The following BRCA1 variants were observed in gnomAD, a reference collection of about 807,000 sequenced individuals.
The protein encoded by BRCA1 is BRCA1 DNA repair associated.
A neutral mutation model predicts 173.7 loss-of-function variants in BRCA1; 140 were observed. The observed-to-expected ratio is 0.81, with a 90% confidence interval of 0.70 to 0.93. The LOEUF is 0.93. Ranked by LOEUF, BRCA1 falls within the 40% of genes least tolerant of loss-of-function variation. BRCA1 has a pLI of 0.00. For synonymous variants in BRCA1, 662 were observed against 756.0 expected, an observed-to-expected ratio of 0.88 and a Z score of 2.04; for missense variants, 1,983 against 2,172.5, an observed-to-expected ratio of 0.91 and a Z score of 1.73.
At chr17:43,049,886 C>T (rs2051134408) in intron 20 of BRCA1, among the ~76,000 whole-genome samples, 1 of 152,180 alleles carries the variant, frequency 6.6e-6, no homozygotes, top group South Asian at 2.1e-4. Flanking sequence ...TGCTGAGGTG[C>T]TCCTGTCTGT....
At chr17:43,143,032 GTGTATATATA>G (rs1217779713) in intron 1 of BRCA1, among the ~76,000 whole-genome samples, 12 of 149,488 alleles carry the variant, frequency 8.0e-5, no homozygotes, top group South Asian at 6.3e-4. Flanking sequence ...GTATATATGT[GTGTATATATA>G]TGTATATATG....
intron 14 of BRCA1, among the ~76,000 whole-genome samples, chr17:43,072,411 T>A (rs981571983): frequency 6.7e-6 from 1 of 149,884 alleles, no homozygotes; most frequent in Non-Finnish European, 1.5e-5. Flanking sequence ...CGGGTAATAT[T>A]TTTTTTTTTG....
At chr17:43,145,738 CT>C (rs199625942) in intron 1 of BRCA1, among the ~76,000 whole-genome samples, 1 of 151,652 alleles carries the variant, frequency 6.6e-6, no homozygotes, top group Admixed American at 6.6e-5. Context: ...AGTGTAAATG[CT>C]TTTTTTTAAG....
chr17:43,057,737 G>A (rs1212269570), intron 18 of BRCA1, among the ~76,000 whole-genome samples: 2 of 151,722 alleles, frequency 1.3e-5, no homozygotes, highest in Non-Finnish European at 2.9e-5. Context: ...TCGGGAGGCT[G>A]AGGCAGGAGA....
rs397509229 is a variant in BRCA1 at position 43,063,898 on chromosome 17, C to T, written c.5128G>A (p.Gly1710Arg). The T allele has an allele frequency of 1.2e-5, 20 of 1,614,004 alleles. No homozygotes were observed. The South Asian group carries it at 1.8e-4, about 14-fold the overall frequency. ...CAGAAATAGCTAACTACCCATTTTC[C>T]TCCCGCAATTCCTAGAAAATATTTC... is the stretch of plus-strand genomic sequence containing the variant. ...TLKYFLGIAG[G>R]KWVVSYFWVT... is the part of the protein sequence containing the mutation. The change falls in exon 17 of 23, where the codon GGA (glycine) becomes AGA (arginine). Residue 1710 changes from glycine (G) to arginine (R), a missense_variant. Transcript: ENST00000357654.
intron 10 of BRCA1, 198 bp downstream of exon 10, chr17:43,091,237 T>C: frequency 1.2e-6 from 1 of 864,454 alleles, no homozygotes; most frequent in South Asian, 1.5e-5. Flanking sequence ...TTAAAGCTCA[T>C]TCAGTCAAAG....
intron 1 of BRCA1, among the ~76,000 whole-genome samples, chr17:43,154,638 C>T (rs1172776189): frequency 1.3e-5 from 2 of 151,786 alleles, no homozygotes; most frequent in African/African-American, 4.8e-5. Context: ...CAAGGCATTC[C>T]TGAGAGTAAT....
intron 11 of BRCA1, among the ~76,000 whole-genome samples, chr17:43,086,928 G>A (rs879513281): frequency 6.6e-6 from 1 of 152,208 alleles, no homozygotes; most frequent in Non-Finnish European, 1.5e-5. Flanking sequence ...ACAACTCCAA[G>A]GGGCTTCAGG....
intron 12 of BRCA1, among the ~76,000 whole-genome samples, chr17:43,082,044 G>C (rs2053022946): frequency 6.6e-6 from 1 of 152,180 alleles, no homozygotes; most frequent in Non-Finnish European, 1.5e-5. Context: ...GTGTTATAAG[G>C]AATATGTCTG....
chr17:43,075,861 G>A (rs2052687122), intron 13 of BRCA1, among the ~76,000 whole-genome samples: 1 of 152,086 alleles, frequency 6.6e-6, no homozygotes, highest in Non-Finnish European at 1.5e-5. Flanking sequence ...GGAGGGCAAG[G>A]CGGGCGGACT....
At chr17:43,083,206 C>T (rs1426111615) in intron 11 of BRCA1, among the ~76,000 whole-genome samples, 8 of 151,520 alleles carry the variant, frequency 5.3e-5, no homozygotes, top group Admixed American at 5.3e-4. Flanking sequence ...CCCTCTGTCA[C>T]CCAGGTTGGC....
At chr17:43,066,958 C>T (rs1208128064) in intron 16 of BRCA1, among the ~76,000 whole-genome samples, 1 of 151,310 alleles carries the variant, frequency 6.6e-6, no homozygotes, top group Non-Finnish European at 1.5e-5. Flanking sequence ...GCTGGGATTA[C>T]AGGTGCCTGC....
chr17:43,120,097 G>A (rs1472842819), intron 2 of BRCA1, among the ~76,000 whole-genome samples: 6 of 152,282 alleles, frequency 3.9e-5, no homozygotes, highest in African/African-American at 1.4e-4. Context: ...ACGGATAAGT[G>A]ACTGGAAAAA....
intron 17 of BRCA1, among the ~76,000 whole-genome samples, 187 bp downstream of exon 17, chr17:43,063,687 T>C (rs991213019): frequency 6.6e-6 from 1 of 152,188 alleles, no homozygotes; most frequent in Non-Finnish European, 1.5e-5. Context: ...AGAGACCCAT[T>C]TTCCCAGCAT....
Position 43,050,965 on chromosome 17 carries a change from C to T in BRCA1, c.5332+98G>A, listed in dbSNP as rs554178320. On this transcript the variant is annotated intron_variant, in intron 20 of 22. Coordinates refer to ENST00000357654, the MANE Select transcript of BRCA1 (RefSeq NM_007294.4). ...TAGAATAGCCTCTAGAACATTTCAG[C>T]AATCTGAGGAACCCCCATCGTGGGA... is the stretch of plus-strand genomic sequence containing the variant. 1.1e-5 allele frequency: 13 copies of T among 1,209,796 alleles called. No homozygotes were observed. In the African/African-American group the frequency reaches 1.9e-4, roughly 18 times the overall value. 74.9% of individuals were successfully genotyped at this position (1,209,796 alleles called of 1,614,324 possible).
intron 6 of BRCA1, among the ~76,000 whole-genome samples, chr17:43,100,607 A>ATATAT (rs1369182141): frequency 1.1e-5 from 1 of 86,988 alleles, no homozygotes; most frequent in Non-Finnish European, 2.2e-5. Context: ...ATATATATAT[A>ATATAT]ACATATATAT....
intron 21 of BRCA1, among the ~76,000 whole-genome samples, chr17:43,048,503 C>A (rs538833843): frequency 2.0e-5 from 3 of 150,208 alleles, no homozygotes; most frequent in Non-Finnish European, 3.0e-5. Flanking sequence ...CCGCACCTAG[C>A]TTTTCTCTCT....
chr17:43,141,290 T>C (rs1370086331), intron 1 of BRCA1, among the ~76,000 whole-genome samples: 3 of 152,062 alleles, frequency 2.0e-5, no homozygotes, highest in Non-Finnish European at 4.4e-5. Flanking sequence ...AGAAATATGG[T>C]TGGGGTAGCA....
At chr17:43,138,209 A>C in intron 1 of BRCA1, 1 of 182,372 alleles carries the variant, frequency 5.5e-6, no homozygotes, top group Non-Finnish European at 1.2e-5. Flanking sequence ...GCAAAAGAGA[A>C]AAAACCCAAA....
Sources: allele counts gnomAD v4.1 joint callset (sites outside exome capture counted in the v4.1 genomes callset), GRCh38; gene constraint gnomAD v4.1.1; transcripts MANE v1.5; gene names NCBI Gene and HGNC (gene_info 2026-07-23, HGNC 2026-07-21).